The following RPS6KC1 variants were observed in gnomAD, a reference collection of about 807,000 sequenced individuals.
RPS6KC1 encodes ribosomal protein S6 kinase C1.
In RPS6KC1, 54 loss-of-function variants were observed where a neutral mutation model predicts 103.8. The ratio of observed to expected loss-of-function variants is 0.52; its 90% CI spans 0.42 to 0.65. The LOEUF (loss-of-function observed/expected upper bound fraction) is 0.65. Among genes scored for constraint, RPS6KC1 ranks in the 30% least tolerant of loss-of-function variants. RPS6KC1 has a pLI of 0.00. For synonymous variants in RPS6KC1, 439 were observed against 438.7 expected (o/e 1.00, Z -0.01); for missense variants, 1,151 against 1,253.8 (o/e 0.92, Z 1.24).
At chr1:213,510,887 G>A in the RPS6KC1 span, among the ~76,000 whole-genome samples, 1 of 152,116 alleles carries the variant, frequency 6.6e-6, no homozygotes, top group South Asian at 2.1e-4. Flanking sequence ...GCCCAGGGCC[G>A]AAGTCATAGG....
At chr1:213,155,582 C>A (rs1014092909) in intron 6 of RPS6KC1, among the ~76,000 whole-genome samples, 1 of 152,166 alleles carries the variant, frequency 6.6e-6, no homozygotes, top group African/African-American at 2.4e-5. Context: ...TCTCCCTCCC[C>A]CAGACGCTCT....
At chr1:213,644,744 C>A in the RPS6KC1 span, among the ~76,000 whole-genome samples, 17 of 152,232 alleles carry the variant, frequency 1.1e-4, no homozygotes, top group African/African-American at 4.1e-4. Flanking sequence ...AGGGCATATA[C>A]ACTTGGGATT....
the RPS6KC1 span, among the ~76,000 whole-genome samples, chr1:213,797,159 G>T: frequency 6.6e-6 from 1 of 152,198 alleles, no homozygotes; most frequent in Admixed American, 6.5e-5. Flanking sequence ...CTTTCAATGT[G>T]TCCTACATCC....
chr1:213,223,844 TATTA>T lies in RPS6KC1; in HGVS notation c.1045-6649_1045-6646del, dbSNP rs552987903. Among the ~76,000 whole-genome samples the T allele has an allele frequency of 3.8e-3, 572 of 152,290 alleles. 5 individuals carry two copies. The highest frequency in any genetic ancestry group is 0.013 in the African/African-American group (547 of 41,564). ...TAGACTTAAGCATTATTTTAACTTG[TATTA>T]ATTGTTCTGGAGTCCCATGAAGTAA... On this transcript the variant is annotated intron_variant, in intron 8 of 14. Coordinates refer to ENST00000366960, the MANE Select transcript of RPS6KC1 (RefSeq NM_012424.6).
At chr1:213,319,228 G>C in the RPS6KC1 span, among the ~76,000 whole-genome samples, 1 of 145,754 alleles carries the variant, frequency 6.9e-6, no homozygotes, top group Admixed American at 7.3e-5. Flanking sequence ...ATAGCTTGAA[G>C]CTTGAACCCG....
At chr1:213,143,359 C>T (rs536771231) in intron 6 of RPS6KC1, among the ~76,000 whole-genome samples, 4 of 150,870 alleles carry the variant, frequency 2.7e-5, no homozygotes, top group Admixed American at 6.6e-5. Flanking sequence ...ATTTTTTTTT[C>T]TTATTCACTC....
the RPS6KC1 span, among the ~76,000 whole-genome samples, chr1:213,509,406 A>G: frequency 0.026 from 3,952 of 152,222 alleles, 182 homozygotes; most frequent in African/African-American, 0.091. Context: ...ATAAAATACT[A>G]TAAGCGGAAA....
the RPS6KC1 span, among the ~76,000 whole-genome samples, chr1:213,472,070 T>G: frequency 2.0e-5 from 3 of 152,144 alleles, no homozygotes; most frequent in Admixed American, 6.5e-5. Flanking sequence ...CCTGGAATGA[T>G]TTTTGTTGTT....
At chr1:213,109,858 A>C (rs1223729631) in intron 4 of RPS6KC1, among the ~76,000 whole-genome samples, 3 of 150,706 alleles carry the variant, frequency 2.0e-5, no homozygotes, top group Non-Finnish European at 3.0e-5. Context: ...GGAGATTTAG[A>C]GGGTGTGTAT....
intron 3 of RPS6KC1, among the ~76,000 whole-genome samples, chr1:213,098,757 A>T (rs1019237955): frequency 2.0e-5 from 3 of 152,232 alleles, no homozygotes; most frequent in Non-Finnish European, 4.4e-5. Flanking sequence ...ATAATGAAAA[A>T]GTTTGATTGT....
At chr1:213,587,788 T>G in the RPS6KC1 span, among the ~76,000 whole-genome samples, 4 of 152,206 alleles carry the variant, frequency 2.6e-5, no homozygotes, top group African/African-American at 9.6e-5. Flanking sequence ...GGCAAAATTC[T>G]GAGCCAGCAA....
chr1:213,165,139 C>G (rs1475356533), intron 6 of RPS6KC1, among the ~76,000 whole-genome samples: 27 of 151,854 alleles, frequency 1.8e-4, no homozygotes, highest in Admixed American at 1.8e-3. Context: ...GAGCAGAAAT[C>G]TTCAAGAGAT....
rs879650794 is a variant in RPS6KC1, at chr1:213,147,223, C to CA, written c.835+17334_835+17335insA. Among the ~76,000 whole-genome samples, 1,397 of 152,122 alleles carry CA rather than the reference C, an allele frequency of 9.2e-3. 39 individuals are homozygous for CA. Among genetic ancestry groups the CA allele is most frequent in the East Asian group, 0.069 (357 of 5,176 alleles). On this transcript the variant is annotated intron_variant, in intron 6 of 14. Coordinates refer to ENST00000366960, the MANE Select transcript of RPS6KC1 (RefSeq NM_012424.6). ...TGTGATGCCATTTGTCCATTTTTTGCTTTGATTGCTGGTGCTTGTGGGGTA... is the reference window on the plus strand; with the variant it reads ...TGTGATGCCATTTGTCCATTTTTTGCATTTGATTGCTGGTGCTTGTGGGGTA...
At chr1:213,100,619 T>A (rs1369510044) in intron 3 of RPS6KC1, among the ~76,000 whole-genome samples, 1 of 152,194 alleles carries the variant, frequency 6.6e-6, no homozygotes, top group African/African-American at 2.4e-5. Context: ...CAATGTCTGT[T>A]GTGCCCATCT....
chr1:213,386,698 G>A, the RPS6KC1 span, among the ~76,000 whole-genome samples: 1 of 152,172 alleles, frequency 6.6e-6, no homozygotes. Context: ...ATGCAGCAAA[G>A]TCAACTCCCT....
chr1:213,065,235 A>G (rs1456821053), intron 1 of RPS6KC1, among the ~76,000 whole-genome samples: 1 of 152,088 alleles, frequency 6.6e-6, no homozygotes, highest in African/African-American at 2.4e-5. Flanking sequence ...TCGGCCTCCC[A>G]AAGTGCTGGG....
At chr1:213,792,326 G>A in the RPS6KC1 span, among the ~76,000 whole-genome samples, 2 of 152,192 alleles carry the variant, frequency 1.3e-5, no homozygotes, top group African/African-American at 4.8e-5. Context: ...CTCAAAATGA[G>A]TATGGACCTT....
intron 1 of RPS6KC1, among the ~76,000 whole-genome samples, chr1:213,057,418 A>G (rs1298298326): frequency 6.6e-6 from 1 of 152,182 alleles, no homozygotes; most frequent in African/African-American, 2.4e-5. Flanking sequence ...TAACATGAGT[A>G]TAAATTCATT....
the RPS6KC1 span, among the ~76,000 whole-genome samples, chr1:213,688,905 T>C: frequency 6.6e-6 from 1 of 152,226 alleles, no homozygotes; most frequent in Admixed American, 6.5e-5. Context: ...TTTCAGAAGC[T>C]GGGGATTTCC....
Sources: allele counts gnomAD v4.1 joint callset (sites outside exome capture counted in the v4.1 genomes callset), GRCh38; gene constraint gnomAD v4.1.1; transcripts MANE v1.5; gene names NCBI Gene and HGNC (gene_info 2026-07-23, HGNC 2026-07-21).